The following ARHGAP22 variants were observed in gnomAD, a reference collection of about 807,000 sequenced individuals.
The protein encoded by ARHGAP22 is rho GTPase-activating protein 22.
Under a neutral mutation model 59.1 loss-of-function variants are expected in ARHGAP22, and 48 were observed. That is an observed-to-expected ratio of 0.81 (90% CI 0.64 to 1.03). The LOEUF (loss-of-function observed/expected upper bound fraction) is 1.03. ARHGAP22 is among the 50% of genes least tolerant of loss of function. The probability of loss-of-function intolerance (pLI) is 0.00; values close to 1 mark genes in which losing one functional copy is unlikely to be tolerated. For missense variants in ARHGAP22, 1,015 were observed against 958.7 expected (o/e 1.06, Z -0.78); for synonymous variants, 445 against 416.4 (o/e 1.07, Z -0.84).
intron 1 of ARHGAP22, among the ~76,000 whole-genome samples, chr10:48,598,647 T>C (rs1293298980): frequency 6.6e-6 from 1 of 152,186 alleles, no homozygotes; most frequent in African/African-American, 2.4e-5. Flanking sequence ...CTGCCCCCAC[T>C]GCAGCCTGCA....
At chr10:48,506,286 G>A (rs1292422794) in intron 3 of ARHGAP22, among the ~76,000 whole-genome samples, 1 of 152,140 alleles carries the variant, frequency 6.6e-6, no homozygotes, top group African/African-American at 2.4e-5. Flanking sequence ...CACAAACCTA[G>A]ACAGTACAGG....
intron 4 of ARHGAP22, among the ~76,000 whole-genome samples, chr10:48,460,891 A>G (rs920894660): frequency 6.6e-6 from 1 of 152,238 alleles, no homozygotes; most frequent in Non-Finnish European, 1.5e-5. Flanking sequence ...CAAAAGGACA[A>G]ATACTGTGTT....
chr10:48,612,984 C>A (rs1473564488), intron 1 of ARHGAP22, among the ~76,000 whole-genome samples: 2 of 152,222 alleles, frequency 1.3e-5, no homozygotes, highest in African/African-American at 4.8e-5. Context: ...CGATAGTAAT[C>A]TCAGCTCACC....
chr10:48,509,803 A>C (rs1024432521), intron 3 of ARHGAP22, among the ~76,000 whole-genome samples: 2 of 152,196 alleles, frequency 1.3e-5, no homozygotes, highest in African/African-American at 2.4e-5. Flanking sequence ...CAGGCTCTGA[A>C]GACGCCCGAC....
chr10:48,435,017 C>A, the ARHGAP22 span: 1 of 1,307,546 alleles, frequency 7.6e-7, no homozygotes, highest in South Asian at 1.2e-5. Context: ...GGCCTCTGGG[C>A]TGCTGTAGAT....
chr10:48,595,791 A>C (rs1385305214), intron 1 of ARHGAP22, among the ~76,000 whole-genome samples: 1 of 152,132 alleles, frequency 6.6e-6, no homozygotes, highest in Non-Finnish European at 1.5e-5. Context: ...AATTACAGGC[A>C]TGAGCTACTA....
chr10:48,633,791 A>C (rs2061709980), intron 1 of ARHGAP22, among the ~76,000 whole-genome samples: 1 of 152,004 alleles, frequency 6.6e-6, no homozygotes. Flanking sequence ...GGAGATGGGC[A>C]GGTTAATAGA....
intron 1 of ARHGAP22, among the ~76,000 whole-genome samples, chr10:48,594,307 C>T (rs1419058867): frequency 6.6e-6 from 1 of 152,244 alleles, no homozygotes; most frequent in Non-Finnish European, 1.5e-5. Context: ...TGTGAGTGAG[C>T]ACACTGGTCC....
At chr10:48,451,748 C>G in intron 8 of ARHGAP22, 3 of 598,002 alleles carry the variant, frequency 5.0e-6, no homozygotes, top group Non-Finnish European at 8.9e-6. Flanking sequence ...ATGCACCCAC[C>G]CAGCCTCCCC....
chr10:48,435,109 T>C, the ARHGAP22 span: 1 of 1,101,572 alleles, frequency 9.1e-7, no homozygotes, highest in Non-Finnish European at 1.2e-6. Flanking sequence ...AATTCAGTGG[T>C]CTTATTTTTG....
downstream of ARHGAP22, chr10:48,443,864 A>T (rs1047168531): frequency 3.9e-5 from 6 of 152,208 alleles, no homozygotes; most frequent in Non-Finnish European, 4.4e-5. Flanking sequence ...TCTGTTTCTC[A>T]CACACACATA....
chr10:48,451,719 A>C, intron 8 of ARHGAP22: 1 of 593,398 alleles, frequency 1.7e-6, no homozygotes, highest in South Asian at 1.9e-5. Flanking sequence ...AAAGTCCCAC[A>C]CACACACACA....
At chr10:48,496,261 G>C (rs2050915659) in intron 3 of ARHGAP22, among the ~76,000 whole-genome samples, 1 of 152,184 alleles carries the variant, frequency 6.6e-6, no homozygotes, top group Non-Finnish European at 1.5e-5. Flanking sequence ...GGCCTGGACA[G>C]TGGGGCTCTG....
rs752812469 is a variant in ARHGAP22 at position 48,604,767 on chromosome 10, C to T, written c.30G>A (p.Arg10=). Residue 10 remains arginine (R), a synonymous_variant, in exon 1 of 10, where the codon AGG becomes AGA. Coordinates refer to ENST00000249601, the MANE Select transcript of ARHGAP22 (RefSeq NM_021226.4). MLSPKIRQA[R]RARSKSLVMG... ...ACCCCAGAAAGTTGGACTTACCCCT[C>T]CTGGCCTGCCTGATCTTTGGGCTCA... The T allele has an allele frequency of 1.4e-5, 23 of 1,614,136 alleles. No individual in the cohort carries two copies. The highest frequency in any genetic ancestry group is 2.2e-5 in the South Asian group (2 of 91,092).
chr10:48,545,501 C>T (rs1017737487), intron 3 of ARHGAP22, among the ~76,000 whole-genome samples: 3 of 152,202 alleles, frequency 2.0e-5, no homozygotes, highest in African/African-American at 7.2e-5. Context: ...CATCATCTGG[C>T]GCTCTGCAGA....
chr10:48,596,141 T>C (rs1200205074), intron 1 of ARHGAP22, among the ~76,000 whole-genome samples: 1 of 152,250 alleles, frequency 6.6e-6, no homozygotes, highest in African/African-American at 2.4e-5. Flanking sequence ...CAGCTGAGGC[T>C]GGTATTCAGC....
chr10:48,554,082 A>AT (rs2057118515), intron 3 of ARHGAP22, among the ~76,000 whole-genome samples: 1 of 152,174 alleles, frequency 6.6e-6, no homozygotes, highest in Non-Finnish European at 1.5e-5. Context: ...CCACCTTCTG[A>AT]TGTGCAGTTT....
chr10:48,611,428 A>G (rs1460733019), intron 1 of ARHGAP22, among the ~76,000 whole-genome samples: 1 of 151,986 alleles, frequency 6.6e-6, no homozygotes. Flanking sequence ...AGAAGGGGGG[A>G]GGTCGCTGCA....
chr10:48,450,989 T>C lies in ARHGAP22; in HGVS notation c.1140A>G (p.Gln380=). Residue 380 remains glutamine, a synonymous_variant, in exon 9 of 10, where the codon CAA becomes CAG. Coordinates refer to ENST00000249601, the MANE Select transcript of ARHGAP22 (RefSeq NM_021226.4). ...WGSEEVTRDS[Q]GEPGGPGLPA... is the part of the protein sequence containing the mutation. ...GCAGGCCGGGGCCGCCGGGCTCTCC[T>C]TGGCTGTCCCTGGTGACCTCCTCGG... is the stretch of plus-strand genomic sequence containing the variant. 1 of 1,561,120 alleles carries C rather than the reference T, an allele frequency of 6.4e-7. No homozygotes were observed. The highest frequency in any genetic ancestry group is 1.2e-5 in the South Asian group (1 of 84,866).
Sources: allele counts gnomAD v4.1 joint callset (sites outside exome capture counted in the v4.1 genomes callset), GRCh38; gene constraint gnomAD v4.1.1; transcripts MANE v1.5; gene names NCBI Gene and HGNC (gene_info 2026-07-23, HGNC 2026-07-21).